HMBOX1: variants seen among roughly 807,000 people sequenced by gnomAD.
HMBOX1 encodes homeobox containing 1, also known as homeobox-containing protein 1.
Under a neutral mutation model 54.5 loss-of-function variants are expected in HMBOX1, and 14 were observed. The observed-to-expected ratio is 0.26, with a 90% CI of 0.17 to 0.40. The LOEUF (loss-of-function observed/expected upper bound fraction) is 0.40. HMBOX1 is among the 10% of genes least tolerant of loss of function. The pLI is 1.00. For missense variants in HMBOX1, 332 were observed against 514.4 expected (o/e 0.65, Z 3.43); for synonymous variants, 160 against 181.0 (o/e 0.88, Z 0.93).
Position 28,999,556 on chromosome 8 carries a change from T to C in HMBOX1, c.587-9516T>C, listed in dbSNP as rs571543486. ...TGGTATCCCACAGGTTTTTGAGCCTTTGTTCCATTTTCTTCATTCTTTTTT... is the reference window on the plus strand; with the variant it reads ...TGGTATCCCACAGGTTTTTGAGCCTCTGTTCCATTTTCTTCATTCTTTTTT... On this transcript the variant is annotated intron_variant, in intron 4 of 9. Coordinates refer to ENST00000287701, the MANE Select transcript of HMBOX1 (RefSeq NM_001135726.3). 3.9e-5 allele frequency among the ~76,000 whole-genome samples: 6 copies of C among 152,262 alleles called. No individual in the cohort carries two copies. The South Asian group carries it at 1.2e-3, about 32-fold the overall frequency.
chr8:28,897,314 T>C (rs887854318), intron 1 of HMBOX1, among the ~76,000 whole-genome samples: 5 of 151,992 alleles, frequency 3.3e-5, no homozygotes, highest in African/African-American at 4.8e-5. Context: ...ATTATAATAT[T>C]AGGACCCATT....
In HMBOX1 at chr8:28,970,383, A is replaced by G; in HGVS notation, c.364A>G (p.Asn122Asp). Reference sequence around the variant, plus strand: ...TACCAATCAAAATGGGAGGGAGAATAATGAGCGATTATCTACATCCAATGG... The same window carrying G: ...TACCAATCAAAATGGGAGGGAGAATGATGAGCGATTATCTACATCCAATGG... ...CTTNQNGREN[N>D]ERLSTSNGKM... The change falls in exon 3 of 10, where the codon AAT (asparagine) becomes GAT (aspartate). Residue 122 changes from asparagine to aspartate, a missense_variant. This residue lies in a region of HMBOX1 where 146 missense variants were observed against 173.3 expected (regional missense o/e 0.84). Coordinates refer to ENST00000287701, the MANE Select transcript of HMBOX1 (RefSeq NM_001135726.3). This position sits in a 1 kb window ranked among gnomAD's most constrained non-coding sequence, Gnocchi z 4.3. 1 of 1,614,184 alleles carries G rather than the reference A, an allele frequency of 6.2e-7. No homozygotes were observed. Among genetic ancestry groups the G allele is most frequent in the Non-Finnish European group, 8.5e-7 (1 of 1,180,010 alleles).
At chr8:28,902,217 A>G (rs993029564) in intron 1 of HMBOX1, among the ~76,000 whole-genome samples, 1 of 152,142 alleles carries the variant, frequency 6.6e-6, no homozygotes, top group Admixed American at 6.5e-5. Context: ...TAGTGAACCT[A>G]AAATTTCTGG....
At chr8:28,984,160 C>T (rs556731110) in intron 4 of HMBOX1, among the ~76,000 whole-genome samples, 12 of 152,316 alleles carry the variant, frequency 7.9e-5, no homozygotes, top group South Asian at 2.1e-4. Flanking sequence ...AGTGTATATA[C>T]GCATTTTTCT....
At chr8:28,914,646 A>G (rs1563377126) in intron 1 of HMBOX1, among the ~76,000 whole-genome samples, 1 of 152,256 alleles carries the variant, frequency 6.6e-6, no homozygotes, top group Non-Finnish European at 1.5e-5. Flanking sequence ...ATTGAAGCCT[A>G]TTTGACATCC....
chr8:29,050,318 G>C (rs971812100), intron 9 of HMBOX1: 4 of 659,152 alleles, frequency 6.1e-6, no homozygotes, highest in African/African-American at 2.0e-5. Context: ...TGCAATGCCA[G>C]CTTCCTTCAC....
At chr8:29,047,036 GC>G (rs1405578585) in intron 7 of HMBOX1, among the ~76,000 whole-genome samples, 2 of 152,144 alleles carry the variant, frequency 1.3e-5, no homozygotes, top group Admixed American at 6.6e-5. Flanking sequence ...ATTAAATGAA[GC>G]CCCCATAGTA....
intron 1 of HMBOX1, among the ~76,000 whole-genome samples, chr8:28,893,578 G>C (rs1811468381): frequency 6.6e-6 from 1 of 152,132 alleles, no homozygotes; most frequent in Admixed American, 6.5e-5. Flanking sequence ...TTTCACTGCT[G>C]TACAAACAGA....
Position 29,018,870 on chromosome 8 carries a change from A to G in HMBOX1, c.808A>G (p.Ser270Gly), listed in dbSNP as rs918925871. ...TGGTACTTTCCGACTGCGACGAGGGAGTCGATTTACCTGGAGAAAGGAGTG... is the reference window on the plus strand; with the variant it reads ...TGGTACTTTCCGACTGCGACGAGGGGGTCGATTTACCTGGAGAAAGGAGTG... ...TSGTFRLRRG[S>G]RFTWRKECLA... The change falls in exon 6 of 10, where the codon AGT becomes GGT. Residue 270 changes from serine (S) to glycine (G), a missense_variant. Physicochemically the swap from Ser to Gly is moderately conservative, Grantham distance 56. Around this residue, in one of 4 missense-constraint regions of HMBOX1, gnomAD observed 117 missense variants for 220.0 expected, o/e 0.53. Transcript: ENST00000287701. 7 of 1,614,128 alleles carry G rather than the reference A, an allele frequency of 4.3e-6. No homozygotes were observed. Among genetic ancestry groups the G allele is most frequent in the Non-Finnish European group, 5.9e-6 (7 of 1,180,004 alleles).
At chr8:28,964,224 A>G (rs1002365081) in intron 2 of HMBOX1, among the ~76,000 whole-genome samples, 3 of 152,174 alleles carry the variant, frequency 2.0e-5, no homozygotes, top group African/African-American at 7.2e-5. Flanking sequence ...CTAACAGTTC[A>G]AGAGAGCTAA....
At chr8:28,903,698 CTT>C (rs1382415390) in intron 1 of HMBOX1, among the ~76,000 whole-genome samples, 1 of 152,118 alleles carries the variant, frequency 6.6e-6, no homozygotes, top group Non-Finnish European at 1.5e-5. Context: ...TCTTAAATGA[CTT>C]AACTTGAACT....
chr8:28,951,191 G>A (rs1366721000), intron 1 of HMBOX1, among the ~76,000 whole-genome samples: 1 of 152,210 alleles, frequency 6.6e-6, no homozygotes, highest in African/African-American at 2.4e-5. Context: ...GGAGTGCAGT[G>A]GCACGTTCTC....
chr8:28,890,156 C>T (rs1810584673), upstream of HMBOX1: 9 of 501,712 alleles, frequency 1.8e-5, no homozygotes, highest in Non-Finnish European at 3.3e-5. Flanking sequence ...TCCCTCTCCA[C>T]CCCAGCATGA....
At chr8:28,989,408 G>A (rs1020254767) in intron 4 of HMBOX1, among the ~76,000 whole-genome samples, 5 of 152,148 alleles carry the variant, frequency 3.3e-5, no homozygotes, top group African/African-American at 1.2e-4. Flanking sequence ...GTTGAGATAA[G>A]GGTTGAGGCA....
At chr8:28,986,770 T>C (rs1830222955) in intron 4 of HMBOX1, among the ~76,000 whole-genome samples, 1 of 152,182 alleles carries the variant, frequency 6.6e-6, no homozygotes, top group Admixed American at 6.5e-5. Context: ...GTTCAAAAAA[T>C]TCTTACTTTT....
chr8:29,009,286 C>T, intron 5 of HMBOX1, 104 bp downstream of exon 5: 1 of 1,102,648 alleles, frequency 9.1e-7, no homozygotes, highest in South Asian at 1.5e-5. Context: ...TGGTTTCATA[C>T]TTTACTATGG....
At chr8:29,010,984 A>T (rs1834152326) in intron 5 of HMBOX1, among the ~76,000 whole-genome samples, 1 of 152,214 alleles carries the variant, frequency 6.6e-6, no homozygotes, top group African/African-American at 2.4e-5. Flanking sequence ...GTAAGCTGGA[A>T]GTTAGAATTA....
intron 1 of HMBOX1, among the ~76,000 whole-genome samples, chr8:28,900,528 A>G (rs1292954409): frequency 6.6e-6 from 1 of 151,804 alleles, no homozygotes; most frequent in Non-Finnish European, 1.5e-5. Flanking sequence ...CTCATATTAA[A>G]CACTGTGTCC....
chr8:28,988,041 A>G (rs1353698251), intron 4 of HMBOX1, among the ~76,000 whole-genome samples: 1 of 152,220 alleles, frequency 6.6e-6, no homozygotes, highest in Non-Finnish European at 1.5e-5. Flanking sequence ...TGAATATTTC[A>G]GTATTCCAAG....
Sources: allele counts gnomAD v4.1 joint callset (sites outside exome capture counted in the v4.1 genomes callset), GRCh38; gene constraint gnomAD v4.1.1; regional missense constraint gnomAD v4.1.1; non-coding constraint Gnocchi (gnomAD v3.1); transcripts MANE v1.5; gene names NCBI Gene and HGNC (gene_info 2026-07-23, HGNC 2026-07-21).